The following FAM227B variants were observed in gnomAD, a reference collection of about 807,000 sequenced individuals.
FAM227B encodes family with sequence similarity 227 member B.
A neutral mutation model predicts 73.8 loss-of-function variants in FAM227B; 88 were observed. That is an observed-to-expected ratio of 1.19 (90% CI 1.00 to 1.42). FAM227B has a LOEUF of 1.42. Ranked by LOEUF, FAM227B falls within the 40% of genes most tolerant of loss-of-function variation. The probability of loss-of-function intolerance (pLI) is 0.00; values close to 1 mark genes in which losing one functional copy is unlikely to be tolerated. For missense variants in FAM227B, 632 were observed against 590.9 expected (o/e 1.07, Z -0.72); for synonymous variants, 210 against 190.5 (o/e 1.10, Z -0.84).
In FAM227B at chr15:49,328,184, A is replaced by G; in HGVS notation, c.*384T>C. ...AAAAAATGTAAAAAGTCTGAGAGAAACTACTTAGGGCACTTAGGAATTGGC... is the reference window on the plus strand; with the variant it reads ...AAAAAATGTAAAAAGTCTGAGAGAAGCTACTTAGGGCACTTAGGAATTGGC... On this transcript the variant is annotated 3_prime_UTR_variant, in exon 16 of 16. Transcript: ENST00000299338. The G allele has an allele frequency of 1.3e-6, 2 of 1,599,706 alleles. No individual in the cohort carries two copies. The highest frequency in any genetic ancestry group is 1.7e-6 in the Non-Finnish European group (2 of 1,172,524).
At position 49,605,359 on chromosome 15, in the gene FAM227B, A is replaced by G. The variant is rs903091633; in HGVS notation, c.105+5856T>C. On this transcript the variant is annotated intron_variant, in intron 3 of 15. Coordinates refer to ENST00000299338, the MANE Select transcript of FAM227B (RefSeq NM_152647.3). ...GGGCCTCTGGGTTCCCTTAGGTGGT[A>G]TTACCTCTTGGGTCCACCGGAGTGG... 2.0e-5 allele frequency among the ~76,000 whole-genome samples: 3 copies of G among 152,062 alleles called. 1 individual carries two copies. The highest frequency in any genetic ancestry group is 7.2e-5 in the African/African-American group (3 of 41,412).
At chr15:49,599,656 G>T (rs1478137989) in intron 3 of FAM227B, among the ~76,000 whole-genome samples, 1 of 152,056 alleles carries the variant, frequency 6.6e-6, no homozygotes, top group Non-Finnish European at 1.5e-5. Context: ...AAGATAATTT[G>T]ATTTCCCTTT....
chr15:49,443,105 G>A (rs766538316), intron 11 of FAM227B, among the ~76,000 whole-genome samples: 12 of 151,590 alleles, frequency 7.9e-5, no homozygotes, highest in Non-Finnish European at 1.3e-4. Flanking sequence ...ATATTTGGTG[G>A]TCTGCTGAAG....
intron 11 of FAM227B, among the ~76,000 whole-genome samples, chr15:49,443,153 T>C (rs2051831489): frequency 6.6e-6 from 1 of 151,728 alleles, no homozygotes; most frequent in Admixed American, 6.6e-5. Flanking sequence ...TTGTTAAATT[T>C]TCAAAAATTT....
At chr15:49,542,522 A>G (rs1598049873) in intron 9 of FAM227B, among the ~76,000 whole-genome samples, 1 of 151,570 alleles carries the variant, frequency 6.6e-6, no homozygotes, top group Non-Finnish European at 1.5e-5. Context: ...GAGTCCCTAA[A>G]GTCCACTATA....
chr15:49,495,519 A>G (rs1171258660), intron 11 of FAM227B, among the ~76,000 whole-genome samples: 2 of 152,152 alleles, frequency 1.3e-5, no homozygotes, highest in Non-Finnish European at 2.9e-5. Context: ...TGTATGTCTG[A>G]CCATATTAAT....
At chr15:49,426,652 T>G (rs1360670089) in intron 11 of FAM227B, among the ~76,000 whole-genome samples, 1 of 151,888 alleles carries the variant, frequency 6.6e-6, no homozygotes, top group Admixed American at 6.6e-5. Context: ...TACAATTTAG[T>G]GCTAACTTTG....
intron 2 of FAM227B, among the ~76,000 whole-genome samples, chr15:49,612,916 T>A (rs1023163622): frequency 6.6e-6 from 1 of 152,080 alleles, no homozygotes; most frequent in African/African-American, 2.4e-5. Context: ...GTGACAACCA[T>A]TATAGAAAAT....
At position 49,619,038 on chromosome 15, in the gene FAM227B, T is replaced by C. The variant is rs184565188; in HGVS notation, c.-73+1662A>G. Among the ~76,000 whole-genome samples, 307 of 152,228 alleles carry C rather than the reference T, an allele frequency of 2.0e-3. 1 individual carries two copies. The highest frequency in any genetic ancestry group is 7.0e-3 in the African/African-American group (291 of 41,514). ...ATTTTTAGAGTTAACCTTGGGTAATTTGCCATACTTTCTTTCTTGTCAAAC... is the reference window on the plus strand; with the variant it reads ...ATTTTTAGAGTTAACCTTGGGTAATCTGCCATACTTTCTTTCTTGTCAAAC... On this transcript the variant is annotated intron_variant, in intron 1 of 15. Transcript: ENST00000299338.
At chr15:49,411,433 A>G (rs1216899136) in intron 11 of FAM227B, among the ~76,000 whole-genome samples, 1 of 152,064 alleles carries the variant, frequency 6.6e-6, no homozygotes, top group African/African-American at 2.4e-5. Flanking sequence ...ATGAACAATG[A>G]TATTTTTGAT....
intron 11 of FAM227B, among the ~76,000 whole-genome samples, chr15:49,441,335 T>C (rs1044872727): frequency 2.0e-5 from 3 of 151,768 alleles, no homozygotes; most frequent in African/African-American, 7.2e-5. Context: ...ATACAATGAT[T>C]AGAAAGCATA....
At position 49,611,243 on chromosome 15, in the gene FAM227B, A is replaced by G. The variant is rs1391580112; in HGVS notation, c.77T>C (p.Ile26Thr). Residue 26 changes from isoleucine (I) to threonine (T), a missense_variant, in exon 3 of 16, where the codon ATT becomes ACT. Physicochemically the swap from Ile to Thr is moderately conservative, Grantham distance 89. Transcript: ENST00000299338. ...PGKMQEPPKS[I>T]EEFLKFQNWD... ...ATTTTGAAACTTTAAGAATTCTTCA[A>G]TGCTCTTTGGAGGTTCTTGCATTTT... The G allele has an allele frequency of 1.9e-6, 3 of 1,594,068 alleles. No individual in the cohort carries two copies. Among genetic ancestry groups the G allele is most frequent in the Admixed American group, 1.7e-5 (1 of 59,686 alleles).
chr15:49,613,593 A>G (rs1020334231), intron 2 of FAM227B, among the ~76,000 whole-genome samples: 4 of 152,178 alleles, frequency 2.6e-5, no homozygotes, highest in African/African-American at 9.7e-5. Flanking sequence ...ACAATAATTT[A>G]CTGCACATTT....
At chr15:49,447,990 C>G (rs909021406) in intron 11 of FAM227B, among the ~76,000 whole-genome samples, 1 of 151,644 alleles carries the variant, frequency 6.6e-6, no homozygotes, top group African/African-American at 2.4e-5. Context: ...TCAAAAGCTG[C>G]TCCAGATATC....
At position 49,489,871 on chromosome 15, in the gene FAM227B, TATATATATATATAGAG is replaced by T. The variant is rs1567383213; in HGVS notation, c.1012+18324_1012+18339del. ...TATATATATATATTTTATATATATATATATATATATATAGAGAGAGAGAGAGAGAGAGAGAGAGAGA... is the reference window on the plus strand; with the variant it reads ...TATATATATATATTTTATATATATATAGAGAGAGAGAGAGAGAGAGAGAGA... On this transcript the variant is annotated intron_variant, in intron 11 of 15. Transcript: ENST00000299338. 2.0e-3 allele frequency among the ~76,000 whole-genome samples: 32 copies of T among 15,800 alleles called. 1 individual carries two copies. The highest frequency in any genetic ancestry group is 0.013 in the East Asian group (6 of 458). 10.4% of individuals were successfully genotyped at this position (15,800 alleles called of 152,430 possible). A position where few individuals can be genotyped will look rare whatever the true frequency, so the allele number is the denominator to read the frequency against.
At chr15:49,519,361 C>T (rs1023340471) in intron 10 of FAM227B, among the ~76,000 whole-genome samples, 4 of 151,794 alleles carry the variant, frequency 2.6e-5, no homozygotes, top group South Asian at 2.1e-4. Context: ...GCAGTACCCC[C>T]GTGGGGACTC....
intron 10 of FAM227B, among the ~76,000 whole-genome samples, chr15:49,535,489 A>G (rs933857775): frequency 1.3e-5 from 2 of 151,800 alleles, no homozygotes; most frequent in Admixed American, 6.6e-5. Flanking sequence ...ATTCCACCAA[A>G]CATATAAAGA....
At chr15:49,504,149 C>T (rs1370005118) in intron 11 of FAM227B, among the ~76,000 whole-genome samples, 1 of 151,886 alleles carries the variant, frequency 6.6e-6, no homozygotes, top group Non-Finnish European at 1.5e-5. Flanking sequence ...AGACGGAAAC[C>T]ATCATTCTCA....
rs181629386 is a variant in FAM227B, at chr15:49,380,852, G to T, written c.1013-9453C>A. Among the ~76,000 whole-genome samples, 11 of 152,256 alleles carry T rather than the reference G, an allele frequency of 7.2e-5. No individual in the cohort carries two copies. In the South Asian group the frequency reaches 1.5e-3, roughly 20 times the overall value. ...AATGAAATGTCGGCAGAAGCCCCTT[G>T]TGTTAGTCCATTCTTGCATTGCTGT... On this transcript the variant is annotated intron_variant, in intron 11 of 15. Transcript: ENST00000299338.
Sources: allele counts gnomAD v4.1 joint callset (sites outside exome capture counted in the v4.1 genomes callset), GRCh38; gene constraint gnomAD v4.1.1; transcripts MANE v1.5; gene names NCBI Gene and HGNC (gene_info 2026-07-23, HGNC 2026-07-21).